The following ATXN8OS variants were observed in gnomAD, a reference collection of about 807,000 sequenced individuals.
ATXN8OS encodes the protein ATXN8 opposite strand lncRNA, also known as ATXN8 opposite strand (non-protein coding).
chr13:70,107,610 G>A (rs764920556), upstream of ATXN8OS: 60 of 1,590,766 alleles, frequency 3.8e-5, no homozygotes, highest in Non-Finnish European at 4.4e-5. Flanking sequence ...CCGCCGGGCC[G>A]CCGGTGGAAG....
In ATXN8OS at chr13:70,112,778, G is replaced by C. The variant is rs553272197; in HGVS notation, n.241-2363G>C. ...AAAATAGTGAATTTCTATTAATGATGAGCCAGGTTTTATTTGTGTGTCTTT... is the reference window on the plus strand; with the variant it reads ...AAAATAGTGAATTTCTATTAATGATCAGCCAGGTTTTATTTGTGTGTCTTT... On this transcript the variant is annotated intron_variant and non_coding_transcript_variant, in intron 1 of 4. Transcript: ENST00000678624. Among the ~76,000 whole-genome samples the C allele has an allele frequency of 1.8e-3, 267 of 152,024 alleles. 1 individual carries two copies. The highest frequency in any genetic ancestry group is 6.3e-3 in the African/African-American group (260 of 41,492).
At chr13:70,137,666 T>C (rs1888636686) in intron 3 of ATXN8OS, among the ~76,000 whole-genome samples, 1 of 152,204 alleles carries the variant, frequency 6.6e-6, no homozygotes, top group Non-Finnish European at 1.5e-5. Context: ...ACTGTTTTTC[T>C]GGCTCCAGAT....
At chr13:70,130,591 T>A (rs1888518255) in intron 3 of ATXN8OS, 1 of 397,222 alleles carries the variant, frequency 2.5e-6, no homozygotes, top group Admixed American at 4.4e-5. Context: ...CAATGGTGGG[T>A]GTGAGTTGTG....
At chr13:70,128,564 A>T (rs1489929789) in intron 2 of ATXN8OS, among the ~76,000 whole-genome samples, 2 of 152,004 alleles carry the variant, frequency 1.3e-5, no homozygotes, top group African/African-American at 4.8e-5. Flanking sequence ...AAAAAATTAC[A>T]ATCTCAGTAG....
In ATXN8OS at chr13:70,131,110, C is replaced by A. The variant is rs80300763; in HGVS notation, n.499+1226C>A. 2,139 of 398,454 alleles carry A rather than the reference C, an allele frequency of 5.4e-3. 36 individuals carry two copies. Among genetic ancestry groups the A allele is most frequent in the African/African-American group, 0.041 (1,976 of 48,716 alleles). 24.7% of individuals were successfully genotyped at this position (398,454 alleles called of 1,614,324 possible). A position where few individuals can be genotyped will look rare whatever the true frequency, so the allele number is the denominator to read the frequency against. ...ACATTCTTCCCTGCTCTTCCCAATA[C>A]ATGTGTAAGAATATCCAAGGGCACA... On this transcript the variant is annotated intron_variant and non_coding_transcript_variant, in intron 3 of 4. Transcript: ENST00000678624.
chr13:70,143,703 A>T (rs1449333140), intron 3 of ATXN8OS, among the ~76,000 whole-genome samples: 3 of 152,122 alleles, frequency 2.0e-5, no homozygotes, highest in Non-Finnish European at 4.4e-5. Flanking sequence ...ATTGCAGCAA[A>T]TCTAAATAAT....
At chr13:70,161,169 A>T (rs780839631) in intron 4 of ATXN8OS, among the ~76,000 whole-genome samples, 3 of 152,006 alleles carry the variant, frequency 2.0e-5, no homozygotes, top group Non-Finnish European at 4.4e-5. Context: ...AAAAAAATCT[A>T]AGGTTAAACT....
At chr13:70,162,242 GAC>G (rs1368972026) in intron 4 of ATXN8OS, among the ~76,000 whole-genome samples, 3 of 152,096 alleles carry the variant, frequency 2.0e-5, no homozygotes, top group Non-Finnish European at 4.4e-5. Context: ...TGAAACTAAA[GAC>G]AGTTAAAAAT....
At position 70,160,242 on chromosome 13, in the gene ATXN8OS, A is replaced by T. The variant is rs571559048; in HGVS notation, n.574-9511A>T. Among the ~76,000 whole-genome samples, 4 of 152,290 alleles carry T rather than the reference A, an allele frequency of 2.6e-5. No homozygotes were observed. The South Asian group carries it at 6.2e-4, about 24-fold the overall frequency. Reference sequence around the variant, plus strand: ...TTGTATATTATATATTTTTCAAATTATAATAGGTATGTATTTGCAGCTCAT... The same window carrying T: ...TTGTATATTATATATTTTTCAAATTTTAATAGGTATGTATTTGCAGCTCAT... On this transcript the variant is annotated intron_variant and non_coding_transcript_variant, in intron 4 of 4. Coordinates refer to ENST00000678624, the Ensembl canonical transcript of ATXN8OS.
intron 2 of ATXN8OS, among the ~76,000 whole-genome samples, chr13:70,128,351 T>G (rs1158115155): frequency 6.6e-6 from 1 of 152,180 alleles, no homozygotes; most frequent in Non-Finnish European, 1.5e-5. Context: ...CACTGTTCTT[T>G]CTGAACATTA....
chr13:70,139,344 C>A, intron 3 of ATXN8OS: 1 of 629,912 alleles, frequency 1.6e-6, no homozygotes, highest in Middle Eastern at 4.2e-4. Context: ...TGTTAGAAAA[C>A]CTGGCTTTAC....
chr13:70,151,896 T>C (rs1888872868), intron 4 of ATXN8OS, among the ~76,000 whole-genome samples: 1 of 152,086 alleles, frequency 6.6e-6, no homozygotes, highest in Admixed American at 6.6e-5. Flanking sequence ...ATTATTGAGG[T>C]AAAATCAGTA....
chr13:70,120,183 A>C (rs1566592713), intron 2 of ATXN8OS, among the ~76,000 whole-genome samples: 1 of 152,154 alleles, frequency 6.6e-6, no homozygotes, highest in Non-Finnish European at 1.5e-5. Flanking sequence ...AGTGACCCAC[A>C]TTACCTTTAA....
At chr13:70,161,830 T>G (rs1889012154) in intron 4 of ATXN8OS, among the ~76,000 whole-genome samples, 1 of 151,956 alleles carries the variant, frequency 6.6e-6, no homozygotes, top group Admixed American at 6.6e-5. Context: ...GGTTATAGAA[T>G]TTAATTAATA....
intron 2 of ATXN8OS, among the ~76,000 whole-genome samples, chr13:70,116,324 AG>A (rs1480833876): frequency 6.6e-6 from 1 of 152,128 alleles, no homozygotes; most frequent in Non-Finnish European, 1.5e-5. Flanking sequence ...TTTGAAGGAA[AG>A]GGGGGCTGAG....
intron 4 of ATXN8OS, among the ~76,000 whole-genome samples, chr13:70,156,633 A>C (rs1395417582): frequency 6.6e-6 from 1 of 152,108 alleles, no homozygotes; most frequent in African/African-American, 2.4e-5. Context: ...TGAGCCAGTG[A>C]AATAAATATT....
At chr13:70,140,531 C>CAAAAA (rs745942489) in intron 3 of ATXN8OS, among the ~76,000 whole-genome samples, 24 of 22,984 alleles carry the variant, frequency 1.0e-3, no homozygotes, top group Admixed American at 5.7e-3. Flanking sequence ...CACACACACA[C>CAAAAA]ACAAAAAAAA....
intron 3 of ATXN8OS, chr13:70,139,380 ACTACTGCTGCTGCTGCTGCTGCTG>A (rs1362951150): frequency 1.6e-4 from 93 of 576,524 alleles, no homozygotes; most frequent in East Asian, 5.6e-4. Context: ...TACTACTACT[ACTACTGCTGCTGCTGCTGCTGCTG>A]CTGCTGCTGC....
intron 4 of ATXN8OS, among the ~76,000 whole-genome samples, chr13:70,164,423 A>G (rs1368912593): frequency 1.3e-5 from 2 of 151,782 alleles, no homozygotes; most frequent in Non-Finnish European, 2.9e-5. Context: ...AAAATTTTGT[A>G]TTTGCAACAA....
Sources: allele counts gnomAD v4.1 joint callset (sites outside exome capture counted in the v4.1 genomes callset), GRCh38; gene constraint gnomAD v4.1.1; transcripts MANE v1.5; gene names NCBI Gene and HGNC (gene_info 2026-07-23, HGNC 2026-07-21).